Variants in LRRTM3 observed in about 807,000 individuals in gnomAD.
LRRTM3 encodes the protein leucine rich repeat transmembrane neuronal 3, also known as leucine-rich repeat transmembrane neuronal protein 3.
Under a neutral mutation model 44.7 loss-of-function variants are expected in LRRTM3, and 24 were observed. That is an observed-to-expected ratio of 0.54 (90% CI 0.39 to 0.76). The LOEUF is 0.76. LRRTM3 is among the 30% of genes least tolerant of loss of function. The probability of loss-of-function intolerance (pLI) is 0.00; values close to 1 mark genes in which losing one functional copy is unlikely to be tolerated. For synonymous variants in LRRTM3, 277 were observed against 278.7 expected (o/e 0.99, Z 0.06); for missense variants, 587 against 702.2 (o/e 0.84, Z 1.85).
intron 2 of LRRTM3, among the ~76,000 whole-genome samples, chr10:66,953,692 TTAAAA>T (rs1321015369): frequency 4.6e-5 from 7 of 152,188 alleles, no homozygotes; most frequent in African/African-American, 1.4e-4. Flanking sequence ...TCTTTGAAAC[TTAAAA>T]TAGATATCAT....
At chr10:67,089,575 C>T (rs1292809690) in intron 2 of LRRTM3, among the ~76,000 whole-genome samples, 1 of 151,818 alleles carries the variant, frequency 6.6e-6, no homozygotes, top group Non-Finnish European at 1.5e-5. Flanking sequence ...CACTTCTCAG[C>T]AATATGGACT....
rs549253465 is a variant in LRRTM3, at chr10:66,947,520, C to T, written c.1536+19068C>T. ...CTGAGCCTGCCCTCTTTGTTTCCCCCACCCTCTCTCACTCTGTCTCCCTCT... is the reference window on the plus strand; with the variant it reads ...CTGAGCCTGCCCTCTTTGTTTCCCCTACCCTCTCTCACTCTGTCTCCCTCT... On this transcript the variant is annotated intron_variant, in intron 2 of 2. Coordinates refer to ENST00000361320, the MANE Select transcript of LRRTM3 (RefSeq NM_178011.5). 5.8e-4 allele frequency among the ~76,000 whole-genome samples: 88 copies of T among 152,116 alleles called. 1 individual carries two copies. Among genetic ancestry groups the T allele is most frequent in the African/African-American group, 2.0e-3 (82 of 41,504 alleles).
intron 2 of LRRTM3, among the ~76,000 whole-genome samples, chr10:66,934,520 C>T (rs1847584332): frequency 6.6e-6 from 1 of 152,144 alleles, no homozygotes; most frequent in African/African-American, 2.4e-5. Flanking sequence ...ACTTCTCTTT[C>T]CTCTACAATC....
At chr10:66,942,870 G>A (rs1438211231) in intron 2 of LRRTM3, among the ~76,000 whole-genome samples, 2 of 152,196 alleles carry the variant, frequency 1.3e-5, no homozygotes, top group Non-Finnish European at 2.9e-5. Flanking sequence ...AGTAGAGTCT[G>A]TGAAATGATG....
intron 2 of LRRTM3, among the ~76,000 whole-genome samples, chr10:67,000,017 G>A (rs1851584375): frequency 6.6e-6 from 1 of 152,130 alleles, no homozygotes; most frequent in African/African-American, 2.4e-5. Context: ...CAATTTATGG[G>A]ATAGCTGTTT....
chr10:67,040,409 C>T (rs1854321498), intron 2 of LRRTM3, among the ~76,000 whole-genome samples: 2 of 151,970 alleles, frequency 1.3e-5, no homozygotes, highest in Admixed American at 1.3e-4. Context: ...AGCCACTGCA[C>T]AAAGGTCAAA....
intron 2 of LRRTM3, among the ~76,000 whole-genome samples, chr10:66,979,820 T>C (rs972353147): frequency 4.6e-5 from 7 of 152,190 alleles, no homozygotes; most frequent in Admixed American, 4.6e-4. Context: ...AAAAGGTCCT[T>C]TGAAAGAACT....
At chr10:67,041,257 C>T (rs1261804204) in intron 2 of LRRTM3, among the ~76,000 whole-genome samples, 1 of 152,002 alleles carries the variant, frequency 6.6e-6, no homozygotes, top group Non-Finnish European at 1.5e-5. Context: ...GAATGTGAAC[C>T]AACTAGTGCT....
chr10:66,994,125 T>C (rs1056588186), intron 2 of LRRTM3, among the ~76,000 whole-genome samples: 1 of 152,156 alleles, frequency 6.6e-6, no homozygotes, highest in Non-Finnish European at 1.5e-5. Context: ...ATTCATGTAG[T>C]AAGTGAGTTG....
chr10:67,045,390 T>A (rs547592235), intron 2 of LRRTM3, among the ~76,000 whole-genome samples: 138 of 152,200 alleles, frequency 9.1e-4, no homozygotes, highest in African/African-American at 3.0e-3. Flanking sequence ...TTAAAAAAAA[T>A]TTATTCATTT....
intron 2 of LRRTM3, among the ~76,000 whole-genome samples, chr10:67,046,565 A>T (rs1252314946): frequency 6.6e-6 from 1 of 152,208 alleles, no homozygotes; most frequent in Non-Finnish European, 1.5e-5. Flanking sequence ...CCTTTTTCTC[A>T]GAATCAATTA....
intron 2 of LRRTM3, among the ~76,000 whole-genome samples, chr10:67,021,322 G>A (rs189836837): frequency 8.7e-4 from 132 of 152,160 alleles, no homozygotes; most frequent in Non-Finnish European, 1.6e-3. Flanking sequence ...TAATTGTGAG[G>A]TTAAAATGTA....
At chr10:66,926,831 T>A (rs558810483) in intron 1 of LRRTM3, 90 bp from the exon 2 acceptor site, 100 of 1,218,962 alleles carry the variant, frequency 8.2e-5, no homozygotes, top group African/African-American at 1.5e-4. Flanking sequence ...TTTAAATTTT[T>A]AAAAATGAAA....
intron 2 of LRRTM3, among the ~76,000 whole-genome samples, chr10:66,970,085 A>G (rs895412086): frequency 2.0e-5 from 3 of 152,094 alleles, no homozygotes; most frequent in South Asian, 2.1e-4. Flanking sequence ...CTGCAAAATC[A>G]CTGTAACTTG....
At chr10:67,079,998 A>T (rs1409304360) in intron 2 of LRRTM3, among the ~76,000 whole-genome samples, 1 of 152,136 alleles carries the variant, frequency 6.6e-6, no homozygotes, top group Non-Finnish European at 1.5e-5. Context: ...GGGTGGTTGT[A>T]CAAGGTTTTG....
At chr10:66,998,020 C>T (rs956916646) in intron 2 of LRRTM3, among the ~76,000 whole-genome samples, 1 of 152,180 alleles carries the variant, frequency 6.6e-6, no homozygotes, top group Non-Finnish European at 1.5e-5. Context: ...TCCCTGCCCA[C>T]CAGGCTCAGT....
intron 2 of LRRTM3, among the ~76,000 whole-genome samples, chr10:66,958,444 G>C (rs147623330): frequency 1.9e-4 from 23 of 121,592 alleles, no homozygotes; most frequent in Middle Eastern, 3.8e-3. Flanking sequence ...TTCTGCCTTT[G>C]TAGAAAAATA....
chr10:66,945,282 C>T (rs1209743038), intron 2 of LRRTM3, among the ~76,000 whole-genome samples: 2 of 152,316 alleles, frequency 1.3e-5, no homozygotes, highest in East Asian at 3.9e-4. Context: ...CTTGTTGCAG[C>T]TTTTACATCA....
At chr10:67,062,828 C>T (rs1479815309) in intron 2 of LRRTM3, among the ~76,000 whole-genome samples, 2 of 152,142 alleles carry the variant, frequency 1.3e-5, no homozygotes, top group East Asian at 3.8e-4. Context: ...TAATTTTCCT[C>T]CAACAACAGC....
Sources: gnomAD v4.1 joint callset for allele counts (sites outside exome capture counted in the v4.1 genomes callset) on GRCh38, gnomAD v4.1.1 for gene constraint, MANE v1.5 for transcripts, NCBI Gene and HGNC (gene_info 2026-07-23, HGNC 2026-07-21) for gene names.